MAGOH: variants seen among roughly 807,000 people sequenced by gnomAD.
MAGOH encodes the protein protein mago nashi homolog.
In MAGOH, 3 loss-of-function variants were observed where a neutral mutation model predicts 20.9. The ratio of observed to expected loss-of-function variants is 0.14; its 90% CI spans 0.07 to 0.37. MAGOH has a LOEUF of 0.37. MAGOH is among the 10% of genes least tolerant of loss of function. MAGOH has a pLI of 1.00. For synonymous variants in MAGOH, 51 were observed against 61.0 expected (o/e 0.84, Z 0.76); for missense variants, 66 against 178.1 (o/e 0.37, Z 3.58).
chr1:53,230,857 C>G (rs2100303432), intron 3 of MAGOH, among the ~76,000 whole-genome samples: 1 of 152,292 alleles, frequency 6.6e-6, no homozygotes, highest in East Asian at 1.9e-4. Flanking sequence ...AGATCTAGCT[C>G]ATTAGTTTTA....
At chr1:53,235,362 G>A (rs1329720196) in intron 2 of MAGOH, among the ~76,000 whole-genome samples, 1 of 152,068 alleles carries the variant, frequency 6.6e-6, no homozygotes, top group Non-Finnish European at 1.5e-5. Context: ...TCAAACCAAG[G>A]TATGTCAAAG....
chr1:53,238,456 A>G lies in MAGOH; in HGVS notation c.-8T>C. On this transcript the variant is annotated 5_prime_UTR_variant, in exon 1 of 5. Transcript: ENST00000371470. ...ATAAAAGTCACTCTCCATGGCTCCC[A>G]AAAGACAACCGAGCCTGAACTTCCA... 1 of 1,612,762 alleles carries G rather than the reference A, an allele frequency of 6.2e-7. No homozygotes were observed. The highest frequency in any genetic ancestry group is 1.3e-5 in the African/African-American group (1 of 75,006).
intron 3 of MAGOH, among the ~76,000 whole-genome samples, chr1:53,230,302 T>A (rs959021432): frequency 3.9e-5 from 6 of 152,216 alleles, no homozygotes; most frequent in East Asian, 3.8e-4. Flanking sequence ...CATACTTGTG[T>A]CAGATTTTTT....
At chr1:53,234,621 G>A (rs540913451) in intron 2 of MAGOH, among the ~76,000 whole-genome samples, 8 of 152,068 alleles carry the variant, frequency 5.3e-5, no homozygotes, top group East Asian at 1.9e-4. Context: ...TGATCCGCCC[G>A]CCTCGGCCTC....
intron 1 of MAGOH, 43 bp from the exon 2 acceptor site, chr1:53,235,678 T>A (rs749406989): frequency 1.3e-6 from 2 of 1,523,556 alleles, no homozygotes. Flanking sequence ...TAAAAACATA[T>A]GAATAAAGCA....
intron 3 of MAGOH, among the ~76,000 whole-genome samples, chr1:53,229,284 C>T (rs960634609): frequency 7.2e-5 from 11 of 151,792 alleles, no homozygotes; most frequent in African/African-American, 2.7e-4. Flanking sequence ...CTGCAACCTC[C>T]GCCTCCCAGG....
Position 53,238,274 on chromosome 1 carries a change from T to TC in MAGOH, c.88+86dup, listed in dbSNP as rs1019192564. The TC allele has an allele frequency of 1.0e-5, 12 of 1,201,628 alleles. No individual in the cohort carries two copies. The African/African-American group carries it at 1.0e-4, about 10-fold the overall frequency. 74.4% of individuals were successfully genotyped at this position (1,201,628 alleles called of 1,614,324 possible). ...GGTCTCAGTCCCTCCCTCCTCTAGTTCCCCACAGATTTCCGACCCTCGGCC... is the reference window on the plus strand; with the variant it reads ...GGTCTCAGTCCCTCCCTCCTCTAGTTCCCCCACAGATTTCCGACCCTCGGCC... On this transcript the variant is annotated intron_variant, in intron 1 of 4. Coordinates refer to ENST00000371470, the MANE Select transcript of MAGOH (RefSeq NM_002370.4).
chr1:53,229,359 C>T (rs1224505653), intron 3 of MAGOH, among the ~76,000 whole-genome samples: 1 of 151,992 alleles, frequency 6.6e-6, no homozygotes, highest in African/African-American at 2.4e-5. Flanking sequence ...CCACCACGCC[C>T]GGCTAATTTT....
At chr1:53,230,205 T>C (rs891907100) in intron 3 of MAGOH, among the ~76,000 whole-genome samples, 1 of 152,372 alleles carries the variant, frequency 6.6e-6, no homozygotes, top group Admixed American at 6.5e-5. Flanking sequence ...TTTCTTCTTT[T>C]TGATTCATAT....
At chr1:53,229,881 T>C (rs1431038524) in intron 3 of MAGOH, among the ~76,000 whole-genome samples, 3 of 152,224 alleles carry the variant, frequency 2.0e-5, no homozygotes, top group Non-Finnish European at 4.4e-5. Context: ...ATCTCATCAC[T>C]GTACTCCAGC....
chr1:53,227,395 C>CT (rs1333512891), intron 4 of MAGOH, among the ~76,000 whole-genome samples: 10 of 152,026 alleles, frequency 6.6e-5, no homozygotes, highest in Non-Finnish European at 8.8e-5. Context: ...GCATTAAAGA[C>CT]TAAAAAGAAA....
At chr1:53,231,017 A>G (rs375305571) in intron 3 of MAGOH, among the ~76,000 whole-genome samples, 1 of 152,226 alleles carries the variant, frequency 6.6e-6, no homozygotes, top group East Asian at 1.9e-4. Context: ...AAATGCTGCC[A>G]GATGCCACAA....
At chr1:53,232,255 T>C (rs1184291102) in intron 3 of MAGOH, among the ~76,000 whole-genome samples, 1 of 152,196 alleles carries the variant, frequency 6.6e-6, no homozygotes, top group Non-Finnish European at 1.5e-5. Flanking sequence ...TTGAGATTAT[T>C]AGGAATGAGT....
intron 1 of MAGOH, 139 bp from the exon 2 acceptor site, chr1:53,235,774 G>A: frequency 1.5e-6 from 1 of 678,478 alleles, no homozygotes; most frequent in Non-Finnish European, 2.6e-6. Flanking sequence ...TTACTCTTAA[G>A]GTATTTCAAC....
rs779490372 is a variant in MAGOH at position 53,228,939 on chromosome 1, T to C, written c.274A>G (p.Ile92Val). ...GTAAAAGAAATGTGTTCATCTCCAA[T>C]GACGATTTCAAGCTCCTAGAAACAT... is the stretch of plus-strand genomic sequence containing the variant. ...RVGRQELEIV[I>V]GDEHISFTTS... Residue 92 changes from isoleucine (I) to valine (V), a missense_variant, in exon 4 of 5, where the codon ATT becomes GTT. Ile to Val is a conservative substitution (Grantham distance 29). Transcript: ENST00000371470. 5.6e-6 allele frequency: 9 copies of C among 1,612,328 alleles called. No individual in the cohort carries two copies. The African/African-American group carries it at 1.2e-4, about 22-fold the overall frequency.
intron 1 of MAGOH, among the ~76,000 whole-genome samples, chr1:53,237,199 T>A (rs113479909): frequency 0.084 from 12,540 of 149,806 alleles, 714 homozygotes; most frequent in Non-Finnish European, 0.13. Context: ...TCCGCATACC[T>A]CGGCCTCCCA....
At chr1:53,230,593 GTTTT>G (rs77270897) in intron 3 of MAGOH, among the ~76,000 whole-genome samples, 1 of 143,500 alleles carries the variant, frequency 7.0e-6, no homozygotes, top group Admixed American at 7.0e-5. Flanking sequence ...AATTTTTAGG[GTTTT>G]TTTTTTTTTC....
intron 2 of MAGOH, among the ~76,000 whole-genome samples, chr1:53,234,567 G>C (rs1335871385): frequency 6.6e-6 from 1 of 151,684 alleles, no homozygotes; most frequent in Non-Finnish European, 1.5e-5. Context: ...GTACAGACAG[G>C]GCTTCACCGT....
Position 53,233,546 on chromosome 1 carries a change from C to T in MAGOH, c.254G>A (p.Arg85Gln), listed in dbSNP as rs1475248030. Residue 85 changes from arginine to glutamine, a missense_variant, in exon 3 of 5, where the codon CGG becomes CAG. Arg to Gln is a conservative substitution (Grantham distance 43, BLOSUM62 1). Transcript: ENST00000371470. Reference protein sequence around the residue: ...ALWPPPDRVGRQELEIVIGDE... With the variant: ...ALWPPPDRVGQQELEIVIGDE... Reference sequence around the variant, plus strand: ...AGGATAATCAATAAAACACACCTGCCGGCCCACTCGGTCAGGAGGAGGCCA... The same window carrying T: ...AGGATAATCAATAAAACACACCTGCTGGCCCACTCGGTCAGGAGGAGGCCA... The T allele has an allele frequency of 1.2e-6, 2 of 1,610,590 alleles. No homozygotes were observed. Among genetic ancestry groups the T allele is most frequent in the South Asian group, 1.1e-5 (1 of 90,990 alleles).
Sources: allele counts gnomAD v4.1 joint callset (sites outside exome capture counted in the v4.1 genomes callset), GRCh38; gene constraint gnomAD v4.1.1; transcripts MANE v1.5; gene names NCBI Gene and HGNC (gene_info 2026-07-23, HGNC 2026-07-21).